Variants in PSMF1 observed in about 807,000 individuals in gnomAD.
PSMF1 encodes proteasome inhibitor PI31 subunit.
PSMF1 carries 30 observed loss-of-function variants against 29.3 expected under a neutral mutation model. The ratio of observed to expected loss-of-function variants is 1.02; its 90% CI spans 0.77 to 1.39. The LOEUF (loss-of-function observed/expected upper bound fraction) is 1.39, where lower values mean the gene tolerates loss of function less well. PSMF1 is among the 40% of genes most tolerant of loss of function. The probability of loss-of-function intolerance (pLI) is 0.00; values close to 1 mark genes in which losing one functional copy is unlikely to be tolerated. For missense variants in PSMF1, 344 were observed against 357.5 expected (o/e 0.96, Z 0.31); for synonymous variants, 134 against 139.7 (o/e 0.96, Z 0.29).
At chr20:1,161,487 T>C in intron 4 of PSMF1, 1 of 509,854 alleles carries the variant, frequency 2.0e-6, no homozygotes, top group South Asian at 2.2e-5. Context: ...CACCACCATG[T>C]ACCCAAGCAT....
chr20:1,161,870 GT>G (rs2086671566), intron 4 of PSMF1, among the ~76,000 whole-genome samples: 1 of 152,220 alleles, frequency 6.6e-6, no homozygotes, highest in Non-Finnish European at 1.5e-5. Context: ...TGTAGAACTT[GT>G]TGCTGATTTT....
chr20:1,139,973 A>G (rs1197206217), intron 4 of PSMF1, among the ~76,000 whole-genome samples: 16 of 152,200 alleles, frequency 1.1e-4, no homozygotes, highest in Non-Finnish European at 2.9e-5. Context: ...AGTAAAGGAA[A>G]GACATTCTGT....
intron 4 of PSMF1, among the ~76,000 whole-genome samples, chr20:1,141,067 A>G (rs929514866): frequency 1.3e-5 from 2 of 152,252 alleles, no homozygotes; most frequent in African/African-American, 2.4e-5. Flanking sequence ...AAGTGAAAGA[A>G]GCCAGTCATA....
rs1403696573 is a variant in PSMF1 at position 1,166,725 on chromosome 20, G to A, written c.*1645G>A. 1.8e-5 allele frequency: 3 copies of A among 170,872 alleles called. No homozygotes were observed. The highest frequency in any genetic ancestry group is 2.6e-5 in the Non-Finnish European group (2 of 78,008). The allele number at this position is 170,872 out of a possible 1,614,324, so 10.6% of individuals were successfully genotyped here. Reference sequence around the variant, plus strand: ...CTTTGGAGAAAGACCCAGAGATCAGGCAGAGGTGCAGATTCAATCATTACT... The same window carrying A: ...CTTTGGAGAAAGACCCAGAGATCAGACAGAGGTGCAGATTCAATCATTACT... On this transcript the variant is annotated 3_prime_UTR_variant, in exon 7 of 7. Transcript: ENST00000335877.
At chr20:1,153,266 A>G (rs1262024918) in intron 4 of PSMF1, among the ~76,000 whole-genome samples, 3 of 152,170 alleles carry the variant, frequency 2.0e-5, no homozygotes, top group Non-Finnish European at 4.4e-5. Context: ...TTATTATCTC[A>G]TAATTCTCTA....
rs1203213618 is a variant in PSMF1 at position 1,168,713 on chromosome 20, C to T, written c.*3633C>T. ...TGGAACCTAGTTTCTCCTATGGCCTCCCTTTCTACTGTTGTTAATAACATT... is the reference window on the plus strand; with the variant it reads ...TGGAACCTAGTTTCTCCTATGGCCTTCCTTTCTACTGTTGTTAATAACATT... On this transcript the variant is annotated 3_prime_UTR_variant, in exon 7 of 7. Coordinates refer to ENST00000335877, the MANE Select transcript of PSMF1 (RefSeq NM_006814.5). 2.0e-5 allele frequency among the ~76,000 whole-genome samples: 3 copies of T among 152,174 alleles called. No individual in the cohort carries two copies. The highest frequency in any genetic ancestry group is 7.2e-5 in the African/African-American group (3 of 41,436).
chr20:1,127,560 C>T (rs1049797939), intron 3 of PSMF1, 52 bp downstream of exon 3: 3 of 1,425,040 alleles, frequency 2.1e-6, no homozygotes, highest in East Asian at 2.3e-5. Context: ...GAACTAATGG[C>T]AAGATATGAG....
chr20:1,165,133 A>G lies in PSMF1; in HGVS notation c.*53A>G. The G allele has an allele frequency of 1.2e-6, 2 of 1,613,824 alleles. No homozygotes were observed. The highest frequency in any genetic ancestry group is 2.7e-5 in the African/African-American group (2 of 75,036). On this transcript the variant is annotated 3_prime_UTR_variant, in exon 7 of 7. Coordinates refer to ENST00000335877, the MANE Select transcript of PSMF1 (RefSeq NM_006814.5). ...TTCCCTCCATTCTCCTGGAGCTGCCACCGCTGTCCCCATCAGCAACCATGT... is the reference window on the plus strand; with the variant it reads ...TTCCCTCCATTCTCCTGGAGCTGCCGCCGCTGTCCCCATCAGCAACCATGT...
intron 4 of PSMF1, among the ~76,000 whole-genome samples, chr20:1,158,335 G>A (rs544361284): frequency 1.3e-5 from 2 of 152,320 alleles, no homozygotes; most frequent in African/African-American, 4.8e-5. Context: ...CTGTTCACCT[G>A]CAATGCTACA....
At chr20:1,157,342 T>C (rs1020561383) in intron 4 of PSMF1, among the ~76,000 whole-genome samples, 13 of 152,196 alleles carry the variant, frequency 8.5e-5, no homozygotes, top group African/African-American at 3.1e-4. Context: ...ATCACATGTC[T>C]ACCCCTTGTC....
intron 4 of PSMF1, among the ~76,000 whole-genome samples, chr20:1,138,065 G>A (rs771818561): frequency 8.5e-5 from 13 of 152,068 alleles, no homozygotes; most frequent in Non-Finnish European, 1.8e-4. Flanking sequence ...TCCTTAATAA[G>A]GAGTTTTTAT....
At chr20:1,160,812 A>G (rs1209187195) in intron 4 of PSMF1, 5 of 444,418 alleles carry the variant, frequency 1.1e-5, no homozygotes, top group Non-Finnish European at 2.3e-5. Flanking sequence ...CAGGATTTTC[A>G]CCAGCTGGGA....
At chr20:1,147,923 A>G (rs1198220501) in intron 4 of PSMF1, among the ~76,000 whole-genome samples, 1 of 152,208 alleles carries the variant, frequency 6.6e-6, no homozygotes, top group Non-Finnish European at 1.5e-5. Flanking sequence ...TGGCTGCTGC[A>G]GAGTATTAAT....
chr20:1,149,135 G>A (rs1397841886), intron 4 of PSMF1, among the ~76,000 whole-genome samples: 4 of 152,208 alleles, frequency 2.6e-5, no homozygotes, highest in Non-Finnish European at 5.9e-5. Flanking sequence ...TAGGGGATAT[G>A]TTGTTTTCAT....
chr20:1,123,794 A>G (rs1568463844), intron 1 of PSMF1, among the ~76,000 whole-genome samples: 1 of 152,250 alleles, frequency 6.6e-6, no homozygotes, highest in African/African-American at 2.4e-5. Flanking sequence ...GCAAGTTTAA[A>G]TGCCCACCAG....
intron 3 of PSMF1, among the ~76,000 whole-genome samples, chr20:1,133,569 A>ATATATATATATATATATTTTT: frequency 0.011 from 599 of 52,966 alleles, 23 homozygotes; most frequent in Middle Eastern, 0.022. Context: ...ATATATATAT[A>ATATATATATATATATATTTTT]TTTTTTTTTT....
At chr20:1,146,551 G>C (rs1204228019) in intron 4 of PSMF1, among the ~76,000 whole-genome samples, 1 of 152,184 alleles carries the variant, frequency 6.6e-6, no homozygotes, top group Non-Finnish European at 1.5e-5. Context: ...AAAGAGCCTG[G>C]TGGGTTGGAG....
At chr20:1,119,621 CAG>C (rs1472403171) in intron 1 of PSMF1, among the ~76,000 whole-genome samples, 1 of 152,198 alleles carries the variant, frequency 6.6e-6, no homozygotes, top group African/African-American at 2.4e-5. Context: ...CTCCCATCCC[CAG>C]GCTCCACCTC....
At chr20:1,158,779 G>A (rs1224871008) in intron 4 of PSMF1, among the ~76,000 whole-genome samples, 1 of 152,160 alleles carries the variant, frequency 6.6e-6, no homozygotes, top group Non-Finnish European at 1.5e-5. Flanking sequence ...GGCCATGTAC[G>A]AAAATGATTT....
Sources: allele counts gnomAD v4.1 joint callset (sites outside exome capture counted in the v4.1 genomes callset), GRCh38; gene constraint gnomAD v4.1.1; transcripts MANE v1.5; gene names NCBI Gene and HGNC (gene_info 2026-07-23, HGNC 2026-07-21).